PADI3: variants seen among roughly 807,000 people sequenced by gnomAD.
PADI3 encodes the protein protein-arginine deiminase type-3.
Under a neutral mutation model 71.5 loss-of-function variants are expected in PADI3, and 53 were observed. That is an observed-to-expected ratio of 0.74 (90% CI 0.59 to 0.93). The LOEUF is 0.93. PADI3 is among the 40% of genes least tolerant of loss of function. The pLI, the probability that PADI3 is intolerant of heterozygous loss-of-function variation, is 0.00. For missense variants in PADI3, 821 were observed against 868.0 expected (o/e 0.95, Z 0.68); for synonymous variants, 361 against 347.5 (o/e 1.04, Z -0.43).
At chr1:17,270,799 C>T in intron 7 of PADI3, 80 bp from the exon 8 acceptor site, 3 of 1,013,450 alleles carry the variant, frequency 3.0e-6, no homozygotes, top group Non-Finnish European at 4.7e-6. Flanking sequence ...TTCTTATGGA[C>T]CACAGTGGTG....
intron 1 of PADI3, 151 bp from the exon 2 acceptor site, chr1:17,259,427 G>T: frequency 1.6e-6 from 1 of 631,680 alleles, no homozygotes. Flanking sequence ...GTGGGGTCCA[G>T]GCTTGACTCG....
At chr1:17,271,697 A>T (rs989080636) in intron 9 of PADI3, among the ~76,000 whole-genome samples, 2 of 151,872 alleles carry the variant, frequency 1.3e-5, no homozygotes, top group African/African-American at 2.4e-5. Context: ...AAAGTTAAAA[A>T]ATTAGCAGGG....
chr1:17,268,042 G>C, intron 6 of PADI3, 80 bp downstream of exon 6: 2 of 1,561,236 alleles, frequency 1.3e-6, no homozygotes, highest in South Asian at 2.3e-5. Context: ...TCCTGCCTTG[G>C]GCCATGGGCA....
rs549533714 is a variant in PADI3 at position 17,258,329 on chromosome 1, C to T, written c.93-1249C>T. Reference sequence around the variant, plus strand: ...CCTGGACAATGTTGGTCCTCAGCTCCCCAGCGGGATCAACAGTGGGGAGAG... The same window carrying T: ...CCTGGACAATGTTGGTCCTCAGCTCTCCAGCGGGATCAACAGTGGGGAGAG... On this transcript the variant is annotated intron_variant, in intron 1 of 15. Transcript: ENST00000375460. Among the ~76,000 whole-genome samples, 400 of 152,292 alleles carry T rather than the reference C, an allele frequency of 2.6e-3. 1 individual carries two copies. Among genetic ancestry groups the T allele is most frequent in the Non-Finnish European group, 4.5e-3 (303 of 68,026 alleles).
intron 15 of PADI3, among the ~76,000 whole-genome samples, chr1:17,281,701 C>T (rs1376115390): frequency 6.6e-6 from 1 of 152,222 alleles, no homozygotes. Flanking sequence ...GATCCACCAG[C>T]CTCGGCCTCC....
intron 1 of PADI3, among the ~76,000 whole-genome samples, chr1:17,250,720 A>ACTGC (rs1269115628): frequency 1.3e-5 from 2 of 152,296 alleles, no homozygotes; most frequent in East Asian, 3.9e-4. Context: ...ACTTGGCACC[A>ACTGC]CTGCCTGCCT....
chr1:17,280,145 C>T (rs2073383228), intron 13 of PADI3, among the ~76,000 whole-genome samples: 1 of 152,246 alleles, frequency 6.6e-6, no homozygotes, highest in South Asian at 2.1e-4. Context: ...ACCAGACCCT[C>T]CCACTCCTTA....
At position 17,266,626 on chromosome 1, in the gene PADI3, G is replaced by A. The variant is rs1039609046; in HGVS notation, c.409-93G>A. 4.1e-6 allele frequency: 4 copies of A among 966,806 alleles called. No individual in the cohort carries two copies. The African/African-American group carries it at 6.4e-5, about 15-fold the overall frequency. The allele number at this position is 966,806 out of a possible 1,614,324, so 59.9% of individuals were successfully genotyped here. On this transcript the variant is annotated intron_variant, in intron 4 of 15. Transcript: ENST00000375460. ...GAGAACGTGGACCTAGCCTCACAGG[G>A]TTGGGTGGTTACAGGCCAGGCTCGG...
intron 12 of PADI3, 45 bp downstream of exon 12, chr1:17,276,708 A>T (rs1322684188): frequency 6.2e-7 from 1 of 1,613,804 alleles, no homozygotes; most frequent in African/African-American, 1.3e-5. Flanking sequence ...CATCTGGGGC[A>T]AGAACTGAGC....
In PADI3 at chr1:17,271,136, C is replaced by T; in HGVS notation, c.1005C>T (p.Thr335=). The change falls in exon 9 of 16, where the codon ACC becomes ACT. Residue 335 remains threonine (T), a synonymous_variant. Transcript: ENST00000375460. ...ELARKAGCKL[T]ICPQAENRND... ...CCAGGAAGGCCGGCTGCAAGCTGAC[C>T]ATCTGCCCACAGGCCGAGAACCGCA... 1.2e-6 allele frequency: 2 copies of T among 1,613,790 alleles called. No homozygotes were observed. The highest frequency in any genetic ancestry group is 1.7e-6 in the Non-Finnish European group (2 of 1,180,020).
chr1:17,281,434 CT>C (rs1275607447), intron 15 of PADI3, among the ~76,000 whole-genome samples: 2 of 28,370 alleles, frequency 7.0e-5, no homozygotes, highest in Non-Finnish European at 8.8e-5. Flanking sequence ...GCTTGTAAAT[CT>C]TTTTTTCTTT....
intron 13 of PADI3, among the ~76,000 whole-genome samples, chr1:17,277,280 C>T (rs544460998): frequency 5.9e-5 from 9 of 152,170 alleles, no homozygotes; most frequent in Non-Finnish European, 7.4e-5. Flanking sequence ...CCGCAACCTC[C>T]GCCTCCCAAG....
At chr1:17,280,637 G>T (rs375851060) in intron 14 of PADI3, 34 bp from the exon 15 acceptor site, 4 of 1,613,558 alleles carry the variant, frequency 2.5e-6, no homozygotes, top group Non-Finnish European at 8.5e-7. Flanking sequence ...ACACTGGCAA[G>T]GTGTCCCCAA....
In PADI3 at chr1:17,271,854, A is replaced by AAG. The variant is rs1338360878; in HGVS notation, c.1047+694_1047+695dup. ...ACAACAACAAAAAAAAAAAAAAAAA[A>AAG]AGAGAGAGAGAGAGAGAGAAAAAGA... On this transcript the variant is annotated intron_variant, in intron 9 of 15. Transcript: ENST00000375460. Among the ~76,000 whole-genome samples the AAG allele has an allele frequency of 7.6e-5, 10 of 132,366 alleles. 1 individual carries two copies. The highest frequency in any genetic ancestry group is 4.9e-4 in the South Asian group (2 of 4,070). The allele number at this position is 132,366 out of a possible 152,430, so 86.8% of individuals were successfully genotyped here. A position where few individuals can be genotyped will look rare whatever the true frequency, so the allele number is the denominator to read the frequency against.
intron 11 of PADI3, 41 bp downstream of exon 11, chr1:17,274,827 T>A (rs2073305572): frequency 9.4e-6 from 15 of 1,599,168 alleles, no homozygotes; most frequent in Non-Finnish European, 1.3e-5. Flanking sequence ...GGGTGGAGGC[T>A]GAGGGTTGGG....
chr1:17,278,412 A>G (rs1382006012), intron 13 of PADI3, among the ~76,000 whole-genome samples: 1 of 152,046 alleles, frequency 6.6e-6, no homozygotes, highest in Non-Finnish European at 1.5e-5. Context: ...TATTTTTTGT[A>G]GAGATGGAGT....
chr1:17,251,759 A>T (rs1472644463), intron 1 of PADI3, among the ~76,000 whole-genome samples: 1 of 152,220 alleles, frequency 6.6e-6, no homozygotes, highest in African/African-American at 2.4e-5. Context: ...TGTGGTGAAC[A>T]TTCAGTTATG....
At chr1:17,253,386 A>G (rs537133082) in intron 1 of PADI3, among the ~76,000 whole-genome samples, 1 of 152,342 alleles carries the variant, frequency 6.6e-6, no homozygotes, top group East Asian at 1.9e-4. Flanking sequence ...AGAGGGGGCA[A>G]CCTTGACCTG....
At position 17,274,692 on chromosome 1, in the gene PADI3, G is replaced by A. The variant is rs1277289433; in HGVS notation, c.1213G>A (p.Asp405Asn). ...ACGCGACAGGTCTGTGAGTGGCCTG[G>A]ACTCCTTTGGGAACCTGGAGGTCAG... ...EPRDRSVSGL[D>N]SFGNLEVSPP... is the part of the protein sequence containing the mutation. The change falls in exon 11 of 16, where the codon GAC (aspartate) becomes AAC (asparagine). Residue 405 changes from aspartate (D) to asparagine (N), a missense_variant. By Grantham distance (23) the Asp-to-Asn change is conservative (BLOSUM62 1). Transcript: ENST00000375460. 2 of 1,613,786 alleles carry A rather than the reference G, an allele frequency of 1.2e-6. No homozygotes were observed. Among genetic ancestry groups the A allele is most frequent in the African/African-American group, 2.7e-5 (2 of 74,908 alleles).
Sources: allele counts gnomAD v4.1 joint callset (sites outside exome capture counted in the v4.1 genomes callset), GRCh38; gene constraint gnomAD v4.1.1; transcripts MANE v1.5; gene names NCBI Gene and HGNC (gene_info 2026-07-23, HGNC 2026-07-21).